Variants in GLIS2 observed in about 807,000 individuals in gnomAD.
The protein encoded by GLIS2 is zinc finger protein GLIS2.
Under a neutral mutation model 35.6 loss-of-function variants are expected in GLIS2, and 14 were observed. That is an observed-to-expected ratio of 0.39 (90% CI 0.26 to 0.61). The LOEUF is 0.61. GLIS2 is among the 20% of genes least tolerant of loss of function. The pLI is 0.48. For missense variants in GLIS2, 675 were observed against 713.4 expected, an observed-to-expected ratio of 0.95 and a Z score of 0.61; for synonymous variants, 368 against 325.1, an observed-to-expected ratio of 1.13 and a Z score of -1.42.
At chr16:4,317,921 CCTGT>C (rs1352242491) in intron 1 of GLIS2, among the ~76,000 whole-genome samples, 3 of 152,186 alleles carry the variant, frequency 2.0e-5, no homozygotes, top group African/African-American at 7.2e-5. Flanking sequence ...CCCGCCCTTC[CCTGT>C]CTGTGACCTT....
rs1567225629 is a variant in GLIS2, at chr16:4,337,733, G to C, written c.*209G>C. On this transcript the variant is annotated 3_prime_UTR_variant, in exon 7 of 7. Transcript: ENST00000433375. ...TGGCCTGTCATGCAGGGAGAGCTGTGCTCCTGGGTGCTGAAGCCTCGCTCC... is the reference window on the plus strand; with the variant it reads ...TGGCCTGTCATGCAGGGAGAGCTGTCCTCCTGGGTGCTGAAGCCTCGCTCC... 1 of 682,968 alleles carries C rather than the reference G, an allele frequency of 1.5e-6. No individual in the cohort carries two copies. The highest frequency in any genetic ancestry group is 1.8e-5 in the African/African-American group (1 of 56,540). The allele number at this position is 682,968 out of a possible 1,614,324, so 42.3% of individuals were successfully genotyped here.
intron 6 of GLIS2, chr16:4,336,462 T>G: frequency 1.6e-6 from 1 of 606,340 alleles, no homozygotes; most frequent in Non-Finnish European, 3.0e-6. Flanking sequence ...GGCCATGTTC[T>G]GCTGCTGAAA....
chr16:4,332,493 C>T lies in GLIS2; in HGVS notation c.172+41C>T, dbSNP rs1161791647. On this transcript the variant is annotated intron_variant, in intron 2 of 6. Transcript: ENST00000433375. This position sits in a 1 kb window ranked among gnomAD's most constrained non-coding sequence, Gnocchi z 5.4. ...AGGGCAGGGGGACTTAGCCCTGATCCAGTCATGGTGACAGGGAGAATGGCC... is the reference window on the plus strand; with the variant it reads ...AGGGCAGGGGGACTTAGCCCTGATCTAGTCATGGTGACAGGGAGAATGGCC... The T allele has an allele frequency of 1.3e-6, 2 of 1,599,992 alleles. No homozygotes were observed. The highest frequency in any genetic ancestry group is 2.2e-5 in the East Asian group (1 of 44,584).
chr16:4,318,994 T>C (rs1478403065), intron 1 of GLIS2, among the ~76,000 whole-genome samples: 1 of 151,996 alleles, frequency 6.6e-6, no homozygotes, highest in Non-Finnish European at 1.5e-5. Context: ...TTGGGGGGGC[T>C]CCTGGGGAGG....
At chr16:4,336,593 C>T in intron 6 of GLIS2, 132 bp from the exon 7 acceptor site, 1 of 891,196 alleles carries the variant, frequency 1.1e-6, no homozygotes, top group Non-Finnish European at 1.8e-6. Flanking sequence ...GCTGGGGATG[C>T]CCCCTGCCCC....
intron 1 of GLIS2, among the ~76,000 whole-genome samples, chr16:4,318,423 A>C (rs1320021233): frequency 1.3e-5 from 2 of 152,210 alleles, no homozygotes; most frequent in South Asian, 2.1e-4. Context: ...CCGAGGGTGG[A>C]GCCCGGATGA....
At chr16:4,327,749 G>A (rs1201794052) in intron 1 of GLIS2, among the ~76,000 whole-genome samples, 2 of 43,472 alleles carry the variant, frequency 4.6e-5, no homozygotes, top group East Asian at 5.4e-4. Context: ...AGCCCCCGCC[G>A]TCCCGGTGGT....
chr16:4,337,611 A>G lies in GLIS2; in HGVS notation c.*87A>G. 9.9e-6 allele frequency: 15 copies of G among 1,515,838 alleles called. No homozygotes were observed. Among genetic ancestry groups the G allele is most frequent in the Non-Finnish European group, 1.2e-5 (14 of 1,130,270 alleles). 93.9% of individuals were successfully genotyped at this position (1,515,838 alleles called of 1,614,324 possible). On this transcript the variant is annotated 3_prime_UTR_variant, in exon 7 of 7. Coordinates refer to ENST00000433375, the MANE Select transcript of GLIS2 (RefSeq NM_032575.3). The stretch of plus-strand genomic sequence containing the variant: ...GGAAACTCTTCTGTGAAATAGCAAT[A>G]ATGTCCTACTGCCCGGGCAGCCCCA...
intron 1 of GLIS2, among the ~76,000 whole-genome samples, chr16:4,318,842 TCCACTCG>T (rs2053344237): frequency 6.6e-6 from 1 of 152,196 alleles, no homozygotes; most frequent in Admixed American, 6.5e-5. Flanking sequence ...AGCCACCCGC[TCCACTCG>T]CCTGGAATCT....
intron 2 of GLIS2, 110 bp from the exon 3 acceptor site, chr16:4,333,237 G>C: frequency 8.4e-7 from 1 of 1,191,688 alleles, no homozygotes. Context: ...GTGGTCTGGG[G>C]GCATGGCTGG....
Position 4,327,145 on chromosome 16 carries a change from C to T in GLIS2, c.-66-5070C>T, listed in dbSNP as rs146086913. Among the ~76,000 whole-genome samples, 31 of 152,330 alleles carry T rather than the reference C, an allele frequency of 2.0e-4. No homozygotes were observed. The East Asian group carries it at 5.6e-3, about 27-fold the overall frequency. ...CTGCACTCAAGGGATTCTCCTGCCT[C>T]GGCCTCCCAATGTGCTGGGCTTACA... On this transcript the variant is annotated intron_variant, in intron 1 of 6. Transcript: ENST00000433375.
rs1442763446 is a variant in GLIS2, at chr16:4,334,239, T to C, written c.346-562T>C. Among the ~76,000 whole-genome samples, 13 of 101,228 alleles carry C rather than the reference T, an allele frequency of 1.3e-4. No individual in the cohort carries two copies. The East Asian group carries it at 3.7e-3, about 29-fold the overall frequency. The allele number at this position is 101,228 out of a possible 152,430, so 66.4% of individuals were successfully genotyped here. A position where few individuals can be genotyped will look rare whatever the true frequency, so the allele number is the denominator to read the frequency against. ...CAGGCGTGAGCCACTGTGCCCGGCC[T>C]TTTTTTTTTTTTTTTTTAAACAGGG... On this transcript the variant is annotated intron_variant, in intron 3 of 6. Coordinates refer to ENST00000433375, the MANE Select transcript of GLIS2 (RefSeq NM_032575.3).
Position 4,335,491 on chromosome 16 carries a change from C to G in GLIS2, c.775+98C>G, listed in dbSNP as rs1567223992. On this transcript the variant is annotated intron_variant, in intron 6 of 6. Transcript: ENST00000433375. This position sits in a 1 kb window ranked among gnomAD's most constrained non-coding sequence, Gnocchi z 4.6. The stretch of plus-strand genomic sequence containing the variant: ...GGGGGAGGGGACTGTTAAGTAAATC[C>G]CGGGCCTCAGAGATAAGGGTTGATG... 18 of 1,086,420 alleles carry G rather than the reference C, an allele frequency of 1.7e-5. No individual in the cohort carries two copies. The highest frequency in any genetic ancestry group is 2.4e-5 in the Non-Finnish European group (17 of 714,850). The allele number at this position is 1,086,420 out of a possible 1,614,324, so 67.3% of individuals were successfully genotyped here.
Position 4,337,634 on chromosome 16 carries a change from C to G in GLIS2, c.*110C>G. The G allele has an allele frequency of 6.8e-7, 1 of 1,461,686 alleles. No homozygotes were observed. The highest frequency in any genetic ancestry group is 9.2e-7 in the Non-Finnish European group (1 of 1,081,702). 90.5% of individuals were successfully genotyped at this position (1,461,686 alleles called of 1,614,324 possible). A position where few individuals can be genotyped will look rare whatever the true frequency, so the allele number is the denominator to read the frequency against. ...ATAATGTCCTACTGCCCGGGCAGCC[C>G]CAGCCCAGCCCGCCGGGAGCAAGGA... is the stretch of plus-strand genomic sequence containing the variant. On this transcript the variant is annotated 3_prime_UTR_variant, in exon 7 of 7. Coordinates refer to ENST00000433375, the MANE Select transcript of GLIS2 (RefSeq NM_032575.3).
intron 1 of GLIS2, among the ~76,000 whole-genome samples, chr16:4,329,774 C>G (rs150116215): frequency 6.6e-6 from 1 of 152,288 alleles, no homozygotes; most frequent in East Asian, 1.9e-4. Flanking sequence ...AGTAAAGACC[C>G]CAATACCGCG....
intron 1 of GLIS2, among the ~76,000 whole-genome samples, chr16:4,319,096 C>T (rs1024625140): frequency 3.9e-5 from 6 of 152,050 alleles, no homozygotes; most frequent in Admixed American, 3.3e-4. Context: ...GTCTCTGGCA[C>T]CTAAGGAGGA....
chr16:4,336,881 G>A lies in GLIS2; in HGVS notation c.932G>A (p.Arg311His), dbSNP rs2053557547. 1 of 1,613,288 alleles carries A rather than the reference G, an allele frequency of 6.2e-7. No homozygotes were observed. Among genetic ancestry groups the A allele is most frequent in the Non-Finnish European group, 8.5e-7 (1 of 1,180,008 alleles). ...CGCTACACGGACCCCAGCTCACTGCGCAAGCACATCAAGGCCCATGGCCAC... is the reference window on the plus strand; with the variant it reads ...CGCTACACGGACCCCAGCTCACTGCACAAGCACATCAAGGCCCATGGCCAC... ...HKRYTDPSSLRKHIKAHGHFV... is the reference protein window; with the variant it reads ...HKRYTDPSSLHKHIKAHGHFV... The change falls in exon 7 of 7, where the codon CGC (arginine) becomes CAC (histidine). Residue 311 changes from arginine to histidine, a missense_variant. Coordinates refer to ENST00000433375, the MANE Select transcript of GLIS2 (RefSeq NM_032575.3).
chr16:4,320,548 A>G lies in GLIS2; in HGVS notation c.-67+4294A>G, dbSNP rs886543917. 6.8e-6 allele frequency among the ~76,000 whole-genome samples: 1 copy of G among 147,628 alleles called. No individual in the cohort carries two copies. The highest frequency in any genetic ancestry group is 2.6e-5 in the African/African-American group (1 of 37,864). On this transcript the variant is annotated intron_variant, in intron 1 of 6. Coordinates refer to ENST00000433375, the MANE Select transcript of GLIS2 (RefSeq NM_032575.3). The surrounding 1 kb of genome is among the most constrained non-coding windows in gnomAD (Gnocchi z 5.6). ...CCTGAAATGTCGGTTTAGCCTGGGA[A>G]TCCCCCCAGCTCCACTCCTGCCCCC...
Position 4,332,342 on chromosome 16 carries a change from G to T in GLIS2, c.62G>T (p.Arg21Ile). 6.2e-7 allele frequency: 1 copy of T among 1,613,272 alleles called. No homozygotes were observed. Among genetic ancestry groups the T allele is most frequent in the South Asian group, 1.1e-5 (1 of 91,082 alleles). Residue 21 changes from arginine (R) to isoleucine (I), a missense_variant, in exon 2 of 7, where the codon AGA becomes ATA. This residue lies in a region of GLIS2 where 225 missense variants were observed against 238.7 expected (regional missense o/e 0.94). Transcript: ENST00000433375. The surrounding 1 kb of genome is among the most constrained non-coding windows in gnomAD (Gnocchi z 5.4). ...AGTATCACCAAGCTCCGGGCGGCAA[G>T]AGAGAAGCGGGAGAGGACGCTGGGT... The part of the protein sequence containing the change: ...KLSITKLRAA[R>I]EKRERTLGVV...
Sources: gnomAD v4.1 joint callset for allele counts (sites outside exome capture counted in the v4.1 genomes callset) on GRCh38, gnomAD v4.1.1 for gene constraint, gnomAD v4.1.1 regional missense constraint, Gnocchi (gnomAD v3.1) non-coding constraint, MANE v1.5 for transcripts, NCBI Gene and HGNC (gene_info 2026-07-23, HGNC 2026-07-21) for gene names.